The following MYPN variants were observed in gnomAD, a reference collection of about 807,000 sequenced individuals.
MYPN encodes the protein myopalladin.
Under a neutral mutation model 129.4 loss-of-function variants are expected in MYPN, and 63 were observed. The observed-to-expected ratio is 0.49, with a 90% confidence interval of 0.40 to 0.60. The LOEUF (loss-of-function observed/expected upper bound fraction) is 0.60. MYPN is among the 20% of genes least tolerant of loss of function. The pLI, the probability that MYPN is intolerant of heterozygous loss-of-function variation, is 0.00. For missense variants in MYPN, 1,596 were observed against 1,635.4 expected (o/e 0.98, Z 0.42); for synonymous variants, 629 against 600.9 (o/e 1.05, Z -0.68).
intron 2 of MYPN, among the ~76,000 whole-genome samples, chr10:68,131,258 G>A (rs541569777): frequency 4.4e-4 from 67 of 151,936 alleles, no homozygotes; most frequent in African/African-American, 1.6e-3. Context: ...GCATAGTGGC[G>A]GGCACCTGCA....
chr10:68,196,127 A>G (rs1200341061), intron 15 of MYPN, among the ~76,000 whole-genome samples: 1 of 152,184 alleles, frequency 6.6e-6, no homozygotes, highest in African/African-American at 2.4e-5. Flanking sequence ...AATGGTTCAA[A>G]ATTTGTAACC....
intron 1 of MYPN, among the ~76,000 whole-genome samples, chr10:68,093,784 A>G (rs1415275466): frequency 6.6e-6 from 1 of 151,990 alleles, no homozygotes; most frequent in African/African-American, 2.4e-5. Context: ...GTAAAAGAAT[A>G]AAAGAATAGC....
At chr10:68,095,550 C>T (rs2041952742) in intron 1 of MYPN, among the ~76,000 whole-genome samples, 1 of 152,176 alleles carries the variant, frequency 6.6e-6, no homozygotes, top group Admixed American at 6.5e-5. Flanking sequence ...CTAGAACCAG[C>T]CTAATGTGGA....
At chr10:68,195,223 A>C (rs1164184882) in intron 14 of MYPN, among the ~76,000 whole-genome samples, 1 of 152,186 alleles carries the variant, frequency 6.6e-6, no homozygotes, top group Non-Finnish European at 1.5e-5. Context: ...TGACTTGTTC[A>C]TATCTCAGTT....
chr10:68,209,412 C>T (rs2043868853), intron 19 of MYPN, among the ~76,000 whole-genome samples: 1 of 152,108 alleles, frequency 6.6e-6, no homozygotes, highest in Admixed American at 6.5e-5. Flanking sequence ...ACAATAGAAC[C>T]TGATTAGGGA....
chr10:68,168,783 A>G (rs2043092856), intron 10 of MYPN, among the ~76,000 whole-genome samples: 1 of 152,006 alleles, frequency 6.6e-6, no homozygotes, highest in Admixed American at 6.6e-5. Flanking sequence ...ATGTGATGCC[A>G]TGCCAGAGTC....
intron 10 of MYPN, among the ~76,000 whole-genome samples, chr10:68,172,885 C>G (rs1342250114): frequency 1.3e-5 from 2 of 151,986 alleles, no homozygotes; most frequent in African/African-American, 4.8e-5. Context: ...CCAGCCTGGC[C>G]AAAATGGTGA....
rs149357638 is a variant in MYPN, at chr10:68,174,261, G to T, written c.2169G>T (p.Pro723=). 1.9e-6 allele frequency: 3 copies of T among 1,613,962 alleles called. No individual in the cohort carries two copies. Among genetic ancestry groups the T allele is most frequent in the East Asian group, 2.2e-5 (1 of 44,890 alleles). The change falls in exon 11 of 20, where the codon CCG becomes CCT. Residue 723 remains proline, a synonymous_variant. Coordinates refer to ENST00000358913, the MANE Select transcript of MYPN (RefSeq NM_032578.4). ...PSSQTFSLAR[P]KYFFPSTNTT... Reference sequence around the variant, plus strand: ...CACAGACGTTCAGCTTGGCCCGGCCGAAGTATTTCTTCCCCTCCACGAACA... The same window carrying T: ...CACAGACGTTCAGCTTGGCCCGGCCTAAGTATTTCTTCCCCTCCACGAACA...
chr10:68,099,761 T>C (rs1201096957), intron 1 of MYPN, among the ~76,000 whole-genome samples: 1 of 152,226 alleles, frequency 6.6e-6, no homozygotes, highest in Non-Finnish European at 1.5e-5. Flanking sequence ...GTAAATCACC[T>C]GCATTTCCAA....
chr10:68,197,412 A>G lies in MYPN; in HGVS notation c.3219A>G (p.Pro1073=), dbSNP rs199476415. ...CCCTACAGGAACGCTTTTTCCGACC[A>G]CATTTCCTGCAGGCTCCTGGGGATA... ...KEPLQERFFR[P]HFLQAPGDMV... is the part of the protein sequence containing the mutation. The change falls in exon 16 of 20, where the codon CCA becomes CCG. Residue 1073 remains proline (P), a synonymous_variant. Transcript: ENST00000358913. 1.2e-6 allele frequency: 2 copies of G among 1,614,018 alleles called. No homozygotes were observed. Among genetic ancestry groups the G allele is most frequent in the East Asian group, 4.5e-5 (2 of 44,874 alleles).
At chr10:68,117,383 AC>A (rs2042173655) in intron 1 of MYPN, among the ~76,000 whole-genome samples, 1 of 152,038 alleles carries the variant, frequency 6.6e-6, no homozygotes, top group African/African-American at 2.4e-5. Flanking sequence ...AGAAGAAAAT[AC>A]ACTTCATATA....
intron 19 of MYPN, 143 bp from the exon 20 acceptor site, chr10:68,210,143 G>A (rs1180386093): frequency 7.1e-6 from 6 of 841,190 alleles, no homozygotes; most frequent in Middle Eastern, 3.6e-4. Context: ...TTCTACAAAC[G>A]AGGCAATTCA....
intron 2 of MYPN, among the ~76,000 whole-genome samples, chr10:68,128,417 T>C (rs1056685584): frequency 2.6e-5 from 4 of 152,240 alleles, no homozygotes; most frequent in Admixed American, 1.3e-4. Flanking sequence ...AAAATAGTTA[T>C]AAATAAAAAG....
intron 2 of MYPN, among the ~76,000 whole-genome samples, chr10:68,125,249 G>T (rs140784735): frequency 3.3e-5 from 5 of 152,268 alleles, no homozygotes; most frequent in Non-Finnish European, 7.4e-5. Context: ...AAAAGTGAAA[G>T]AAATGTACAC....
At chr10:68,200,008 A>G (rs533704083) in intron 17 of MYPN, among the ~76,000 whole-genome samples, 1 of 152,290 alleles carries the variant, frequency 6.6e-6, no homozygotes, top group South Asian at 2.1e-4. Flanking sequence ...TCATTCTGTA[A>G]GACCTAACTG....
chr10:68,185,855 T>C (rs1042300016), intron 12 of MYPN, among the ~76,000 whole-genome samples: 1 of 152,190 alleles, frequency 6.6e-6, no homozygotes, highest in Admixed American at 6.5e-5. Context: ...TGGTGTAATT[T>C]TAAACTGGCA....
chr10:68,135,808 C>T (rs2042478136), intron 2 of MYPN, among the ~76,000 whole-genome samples: 1 of 152,064 alleles, frequency 6.6e-6, no homozygotes, highest in Non-Finnish European at 1.5e-5. Flanking sequence ...ATAATTTTAG[C>T]CCTTGTGTTT....
Position 68,211,200 on chromosome 10 carries a change from A to G in MYPN, c.*745A>G, listed in dbSNP as rs1465603234. 4.4e-6 allele frequency: 2 copies of G among 453,934 alleles called. No individual in the cohort carries two copies. Among genetic ancestry groups the G allele is most frequent in the Non-Finnish European group, 8.8e-6 (2 of 226,794 alleles). 28.1% of individuals were successfully genotyped at this position (453,934 alleles called of 1,614,324 possible). A position where few individuals can be genotyped will look rare whatever the true frequency, so the allele number is the denominator to read the frequency against. ...TTTTTCTGACTTTGCATATCCCTAG[A>G]CACTAGAACTAAAGGATTGGTAATA... On this transcript the variant is annotated 3_prime_UTR_variant, in exon 20 of 20. Transcript: ENST00000358913.
intron 4 of MYPN, among the ~76,000 whole-genome samples, chr10:68,147,722 G>C (rs955709073): frequency 1.2e-4 from 19 of 152,222 alleles, no homozygotes; most frequent in African/African-American, 4.6e-4. Context: ...CTGGGGTCAG[G>C]TTCTCTGGCA....
Sources: gnomAD v4.1 joint callset for allele counts (sites outside exome capture counted in the v4.1 genomes callset) on GRCh38, gnomAD v4.1.1 for gene constraint, MANE v1.5 for transcripts, NCBI Gene and HGNC (gene_info 2026-07-23, HGNC 2026-07-21) for gene names.